ACOX1: variants seen among roughly 807,000 people sequenced by gnomAD.
ACOX1 encodes peroxisomal acyl-coenzyme A oxidase 1.
Under a neutral mutation model 75.5 loss-of-function variants are expected in ACOX1, and 41 were observed. The ratio of observed to expected loss-of-function variants is 0.54; its 90% CI spans 0.42 to 0.70. The LOEUF (loss-of-function observed/expected upper bound fraction) is 0.70, where lower values mean the gene tolerates loss of function less well. ACOX1 is among the 30% of genes least tolerant of loss of function. The pLI is 0.00. For missense variants in ACOX1, 630 were observed against 837.5 expected, an observed-to-expected ratio of 0.75 and a Z score of 3.06; for synonymous variants, 303 against 298.8, an observed-to-expected ratio of 1.01 and a Z score of -0.15.
intron 7 of ACOX1, among the ~76,000 whole-genome samples, chr17:75,953,060 A>G (rs1265576108): frequency 6.6e-6 from 1 of 152,238 alleles, no homozygotes; most frequent in Admixed American, 6.5e-5. Flanking sequence ...CTATGAATGC[A>G]AAAGGGAAAC....
chr17:75,956,519 C>A (rs907184901), intron 4 of ACOX1, among the ~76,000 whole-genome samples: 3 of 151,936 alleles, frequency 2.0e-5, no homozygotes, highest in African/African-American at 7.3e-5. Context: ...GAAATCCCAT[C>A]TCTACTAAAA....
chr17:75,955,037 T>C (rs1054153550), intron 6 of ACOX1, among the ~76,000 whole-genome samples: 2 of 152,118 alleles, frequency 1.3e-5, no homozygotes, highest in African/African-American at 4.8e-5. Context: ...CCAGCTAATT[T>C]TTTGGTATTT....
In ACOX1 at chr17:75,947,429, T is replaced by C. The variant is rs1294968889; in HGVS notation, c.1936-634A>G. On this transcript the variant is annotated intron_variant, in intron 13 of 13. Transcript: ENST00000293217. ...CGCCTGGCTAATTTTGTATTTTTAGTAGAAACAAGGTTTCTCCATGTTGGT... is the reference window on the plus strand; with the variant it reads ...CGCCTGGCTAATTTTGTATTTTTAGCAGAAACAAGGTTTCTCCATGTTGGT... 3.3e-5 allele frequency among the ~76,000 whole-genome samples: 5 copies of C among 152,188 alleles called. No individual in the cohort carries two copies. The East Asian group carries it at 9.7e-4, about 29-fold the overall frequency.
chr17:75,971,336 C>T (rs1405347037), intron 2 of ACOX1, among the ~76,000 whole-genome samples: 4 of 151,580 alleles, frequency 2.6e-5, no homozygotes, highest in Non-Finnish European at 5.9e-5. Flanking sequence ...AATAAGGGAA[C>T]GAAAACTCTA....
chr17:75,951,808 CTT>C (rs1029666749), intron 7 of ACOX1, among the ~76,000 whole-genome samples: 1,515 of 77,240 alleles, frequency 0.02, no homozygotes, highest in African/African-American at 0.074. Flanking sequence ...TAAATTGAGG[CTT>C]TTTTTTTTTT....
chr17:75,947,089 A>G (rs1487188663), intron 13 of ACOX1, among the ~76,000 whole-genome samples: 1 of 151,762 alleles, frequency 6.6e-6, no homozygotes, highest in African/African-American at 2.4e-5. Context: ...AGGCTGGTCT[A>G]GAACTCCTCA....
rs767727082 is a variant in ACOX1 at position 75,950,771 on chromosome 17, C to T, written c.1298+3G>A. 7 of 1,613,882 alleles carry T rather than the reference C, an allele frequency of 4.3e-6. No individual in the cohort carries two copies. The highest frequency in any genetic ancestry group is 5.9e-6 in the Non-Finnish European group (7 of 1,179,882). On this transcript the variant is annotated splice_donor_region_variant and intron_variant, in intron 9 of 13. Coordinates refer to ENST00000293217, the MANE Select transcript of ACOX1 (RefSeq NM_004035.7). The surrounding 1 kb of genome is among the most constrained non-coding windows in gnomAD (Gnocchi z 4.3). Reference sequence around the variant, plus strand: ...TGGGAGGAATCGAGGATTTGACTCTCACCTAGCCGTCTGGAGCATCATGAC... The same window carrying T: ...TGGGAGGAATCGAGGATTTGACTCTTACCTAGCCGTCTGGAGCATCATGAC...
chr17:75,956,862 G>A (rs1419532791), intron 4 of ACOX1, among the ~76,000 whole-genome samples: 1 of 136,864 alleles, frequency 7.3e-6, no homozygotes, highest in Non-Finnish European at 1.6e-5. Context: ...AGCCTCCTGA[G>A]TAGCCAGGAC....
At chr17:75,947,988 G>C (rs2065737475) in intron 13 of ACOX1, among the ~76,000 whole-genome samples, 1 of 152,130 alleles carries the variant, frequency 6.6e-6, no homozygotes, top group Non-Finnish European at 1.5e-5. Context: ...ACAGTGCTGG[G>C]ATTACAGGTG....
intron 2 of ACOX1, among the ~76,000 whole-genome samples, chr17:75,977,846 A>G (rs1418655242): frequency 6.6e-6 from 1 of 152,152 alleles, no homozygotes; most frequent in Non-Finnish European, 1.5e-5. Flanking sequence ...AAAAAAAAAA[A>G]TGCTCCCAGA....
intron 2 of ACOX1, among the ~76,000 whole-genome samples, chr17:75,970,544 C>T (rs532352405): frequency 6.6e-6 from 1 of 152,262 alleles, no homozygotes; most frequent in South Asian, 2.1e-4. Context: ...ATGCTGGTGA[C>T]TGAGACTTTC....
At chr17:75,956,957 CTCTCTCTCTCTCTCTATATATATA>C (rs2065834493) in intron 4 of ACOX1, among the ~76,000 whole-genome samples, 198 of 28,440 alleles carry the variant, frequency 7.0e-3, no homozygotes, top group African/African-American at 8.3e-3. Flanking sequence ...CTCTCTCTCT[CTCTCTCTCTCTCTCTATATATATA>C]TATATATATA....
chr17:75,953,121 CAG>C, intron 7 of ACOX1: 1 of 304,600 alleles, frequency 3.3e-6, no homozygotes, highest in Non-Finnish European at 6.5e-6. Flanking sequence ...TAGTAGTAAT[CAG>C]AACTTTCAAA....
chr17:75,950,379 C>T lies in ACOX1; in HGVS notation c.1298+395G>A, dbSNP rs1255687340. 1.3e-5 allele frequency among the ~76,000 whole-genome samples: 2 copies of T among 152,004 alleles called. No individual in the cohort carries two copies. The highest frequency in any genetic ancestry group is 2.4e-5 in the African/African-American group (1 of 41,366). On this transcript the variant is annotated intron_variant, in intron 9 of 13. Coordinates refer to ENST00000293217, the MANE Select transcript of ACOX1 (RefSeq NM_004035.7). The surrounding 1 kb of genome is among the most constrained non-coding windows in gnomAD (Gnocchi z 4.3). ...TTCTGCCTCAGCCTCCCAAGTAGGC[C>T]GGGATTACAGGCAATGTGCCATCAT...
Position 75,955,863 on chromosome 17 carries a change from G to A in ACOX1, c.623C>T (p.Pro208Leu). 1 of 1,614,146 alleles carries A rather than the reference G, an allele frequency of 6.2e-7. No homozygotes were observed. Among genetic ancestry groups the A allele is most frequent in the South Asian group, 1.1e-5 (1 of 91,086 alleles). Residue 208 changes from proline to leucine, a missense_variant, in exon 5 of 14, where the codon CCT (proline) becomes CTT (leucine). Coordinates refer to ENST00000293217, the MANE Select transcript of ACOX1 (RefSeq NM_004035.7). ...KCYGLHAFIV[P>L]IREIGTHKPL... ...CTTATGGGTCCCGATTTCACGAATA[G>A]GTACGATAAAGGCATGTAATCCATA...
chr17:75,956,071 AGCCTT>A, intron 4 of ACOX1, 124 bp from the exon 5 acceptor site: 1 of 1,346,422 alleles, frequency 7.4e-7, no homozygotes, highest in Non-Finnish European at 1.1e-6. Context: ...GTGTCCAGAA[AGCCTT>A]TCTGCTGACA....
rs377216317 is a variant in ACOX1 at position 75,953,607 on chromosome 17, C to G, written c.788G>C (p.Gly263Ala). ...GTTACTCAGCGGTTTCACGTATGTG[C>G]CATCAGGCTTCACCTGGAAGAAGAA... ...LMKYAQVKPD[G>A]TYVKPLSNKL... The change falls in exon 7 of 14, where the codon GGC becomes GCC. Residue 263 changes from glycine to alanine, a missense_variant. By Grantham distance (60) the Gly-to-Ala change is moderately conservative. Coordinates refer to ENST00000293217, the MANE Select transcript of ACOX1 (RefSeq NM_004035.7). 72 of 1,613,990 alleles carry G rather than the reference C, an allele frequency of 4.5e-5. No individual in the cohort carries two copies. The highest frequency in any genetic ancestry group is 3.6e-5 in the Non-Finnish European group (42 of 1,179,976).
In ACOX1 at chr17:75,949,598, A is replaced by C; in HGVS notation, c.1481T>G (p.Leu494Ter). The change falls in exon 11 of 14, where the codon TTA becomes TGA. Residue 494 changes from leucine to a stop codon, truncating the protein, a stop_gained and splice_region_variant. Coordinates refer to ENST00000293217, the MANE Select transcript of ACOX1 (RefSeq NM_004035.7). LOFTEE classifies it high-confidence loss of function. ...TEAYKLRAAR[L>*]VEIAAKNLQK... ...AAGGTTTTTTGCAGCAATTTCTACT[A>C]ATCTGTTAAGACATAGATTGGAGGT... 1.2e-6 allele frequency: 2 copies of C among 1,614,086 alleles called. No homozygotes were observed. The highest frequency in any genetic ancestry group is 1.7e-6 in the Non-Finnish European group (2 of 1,179,972).
chr17:75,960,462 G>A lies in ACOX1; in HGVS notation c.270-87C>T. Reference sequence around the variant, plus strand: ...CAATTTAAATAGAGCAAGGGAAGGAGACAAAAAAACCTTAAGTATGAATTA... The same window carrying A: ...CAATTTAAATAGAGCAAGGGAAGGAAACAAAAAAACCTTAAGTATGAATTA... On this transcript the variant is annotated intron_variant, in intron 2 of 13. Transcript: ENST00000293217. This position sits in a 1 kb window ranked among gnomAD's most constrained non-coding sequence, Gnocchi z 4.4. 3 of 1,425,994 alleles carry A rather than the reference G, an allele frequency of 2.1e-6. No individual in the cohort carries two copies. The highest frequency in any genetic ancestry group is 3.9e-5 in the Admixed American group (2 of 50,888). 88.3% of individuals were successfully genotyped at this position (1,425,994 alleles called of 1,614,324 possible).
Sources: allele counts gnomAD v4.1 joint callset (sites outside exome capture counted in the v4.1 genomes callset), GRCh38; gene constraint gnomAD v4.1.1; non-coding constraint Gnocchi (gnomAD v3.1); transcripts MANE v1.5; gene names NCBI Gene and HGNC (gene_info 2026-07-23, HGNC 2026-07-21).